The following SGCD variants were observed in gnomAD, a reference collection of about 807,000 sequenced individuals.
SGCD encodes the protein delta-sarcoglycan.
SGCD carries 18 observed loss-of-function variants against 36.6 expected under a neutral mutation model. The ratio of observed to expected loss-of-function variants is 0.49; its 90% CI spans 0.34 to 0.73. The LOEUF is 0.73. Ranked by LOEUF, SGCD falls within the 30% of genes least tolerant of loss-of-function variation. The pLI, the probability that SGCD is intolerant of heterozygous loss-of-function variation, is 0.01. For synonymous variants in SGCD, 133 were observed against 130.6 expected, an observed-to-expected ratio of 1.02 and a Z score of -0.12; for missense variants, 387 against 346.7, an observed-to-expected ratio of 1.12 and a Z score of -0.92.
intron 6 of SGCD, among the ~76,000 whole-genome samples, chr5:156,620,346 T>C (rs1762194867): frequency 6.6e-6 from 1 of 152,238 alleles, no homozygotes; most frequent in South Asian, 2.1e-4. Flanking sequence ...AGTGCAGAGA[T>C]GTAAGGACGT....
chr5:156,587,861 T>C (rs1760559121), intron 4 of SGCD, among the ~76,000 whole-genome samples: 2 of 151,812 alleles, frequency 1.3e-5, no homozygotes, highest in South Asian at 4.2e-4. Flanking sequence ...AAATCACTCT[T>C]GCTATTCTCT....
At chr5:156,083,012 T>A (rs565753609) in intron 1 of SGCD, among the ~76,000 whole-genome samples, 1 of 152,290 alleles carries the variant, frequency 6.6e-6, no homozygotes, top group African/African-American at 2.4e-5. Flanking sequence ...ATTTTCCTAA[T>A]GGCTAATGAT....
chr5:156,214,537 A>T (rs1764526499), intron 3 of SGCD, among the ~76,000 whole-genome samples: 1 of 152,040 alleles, frequency 6.6e-6, no homozygotes, highest in Non-Finnish European at 1.5e-5. Context: ...TACACAAGTG[A>T]TATAAATATT....
chr5:156,196,371 C>A (rs931569046), intron 3 of SGCD, among the ~76,000 whole-genome samples: 1 of 152,156 alleles, frequency 6.6e-6, no homozygotes. Context: ...CCAAATGCAG[C>A]CTTACATATC....
chr5:156,142,245 A>G (rs191726163), intron 3 of SGCD, among the ~76,000 whole-genome samples: 1 of 152,300 alleles, frequency 6.6e-6, no homozygotes, highest in African/African-American at 2.4e-5. Flanking sequence ...CGGAAGCAGA[A>G]GCCACTATAC....
chr5:156,677,760 C>A (rs1235567034), intron 7 of SGCD, among the ~76,000 whole-genome samples: 1 of 152,036 alleles, frequency 6.6e-6, no homozygotes, highest in Admixed American at 6.6e-5. Flanking sequence ...TCTTGCTAAA[C>A]CCTACCACTA....
intron 3 of SGCD, among the ~76,000 whole-genome samples, chr5:156,237,360 CATGCCTGTAA>C: frequency 6.6e-6 from 1 of 152,050 alleles, no homozygotes; most frequent in Non-Finnish European, 1.5e-5. Flanking sequence ...TGTGGTGCCT[CATGCCTGTAA>C]TCTCAGCACT....
At chr5:156,169,886 T>C (rs115924248) in intron 3 of SGCD, among the ~76,000 whole-genome samples, 229 of 152,228 alleles carry the variant, frequency 1.5e-3, no homozygotes, top group African/African-American at 5.0e-3. Context: ...ATTCACACCA[T>C]AGAGAGCCTT....
At chr5:156,052,658 G>A (rs2127581567) in intron 1 of SGCD, among the ~76,000 whole-genome samples, 1 of 145,882 alleles carries the variant, frequency 6.9e-6, no homozygotes, top group Middle Eastern at 3.6e-3. Context: ...TAGCAGGGCT[G>A]GCTGCATACT....
At chr5:155,730,548 G>T in the SGCD span, among the ~76,000 whole-genome samples, 7 of 151,504 alleles carry the variant, frequency 4.6e-5, no homozygotes, top group African/African-American at 1.5e-4. Flanking sequence ...TTTTTACTTA[G>T]ATTTTGTATT....
chr5:156,371,447 CT>C lies in SGCD; in HGVS notation c.192+26771del, dbSNP rs150571405. On this transcript the variant is annotated intron_variant, in intron 3 of 8. Coordinates refer to ENST00000337851, the MANE Select transcript of SGCD (RefSeq NM_000337.6). The stretch of plus-strand genomic sequence containing the variant: ...AAAACAAGGAGAAAAAATTGTAAGT[CT>C]AGTAGTTGATTGGAAAAAGTTAAAG... Among the ~76,000 whole-genome samples, 408 of 152,136 alleles carry C rather than the reference CT, an allele frequency of 2.7e-3. 4 individuals carry two copies. The highest frequency in any genetic ancestry group is 9.0e-3 in the African/African-American group (375 of 41,498).
rs551472287 is a variant in SGCD at position 156,161,437 on chromosome 5, A to G, written c.-44+37418A>G. Among the ~76,000 whole-genome samples the G allele has an allele frequency of 5.9e-5, 9 of 151,986 alleles. 2 individuals are homozygous for G. Among genetic ancestry groups the G allele is most frequent in the African/African-American group, 2.2e-4 (9 of 41,220 alleles). On this transcript the variant is annotated intron_variant, in intron 3 of 9. Transcript: ENST00000517913. ...AGTAATTAAGTGCTTACCGCTTTCC[A>G]GTCACAGGACTAAGAACTATATGTT...
At chr5:156,170,957 C>T (rs78679963) in intron 3 of SGCD, among the ~76,000 whole-genome samples, 5,521 of 152,238 alleles carry the variant, frequency 0.036, 365 homozygotes, top group African/African-American at 0.12. Flanking sequence ...CCATTCACTA[C>T]GTACATTTTT....
chr5:156,003,928 C>G (rs761524982), intron 1 of SGCD, among the ~76,000 whole-genome samples: 2 of 152,130 alleles, frequency 1.3e-5, no homozygotes, highest in Admixed American at 6.5e-5. Flanking sequence ...AGCATCAGGG[C>G]TCCATTAGTC....
chr5:156,336,751 G>A (rs1239029524), intron 2 of SGCD, among the ~76,000 whole-genome samples: 2 of 152,170 alleles, frequency 1.3e-5, no homozygotes, highest in Non-Finnish European at 2.9e-5. Context: ...AGTGTGGGGA[G>A]GCTGAAGGTA....
At chr5:156,550,093 G>T (rs971542481) in intron 4 of SGCD, among the ~76,000 whole-genome samples, 1 of 152,176 alleles carries the variant, frequency 6.6e-6, no homozygotes, top group Non-Finnish European at 1.5e-5. Flanking sequence ...ACACACAGAG[G>T]GGGAAAGAAG....
chr5:156,043,860 A>C (rs1035920103), intron 1 of SGCD, among the ~76,000 whole-genome samples: 25 of 152,196 alleles, frequency 1.6e-4, no homozygotes, highest in Non-Finnish European at 1.5e-4. Flanking sequence ...ACAGTTTTGG[A>C]CCAAGAGAAA....
the SGCD span, among the ~76,000 whole-genome samples, chr5:155,831,452 G>T: frequency 6.6e-6 from 1 of 152,168 alleles, no homozygotes; most frequent in Non-Finnish European, 1.5e-5. Flanking sequence ...AGAAATAATT[G>T]TCAGATTTTT....
intron 3 of SGCD, among the ~76,000 whole-genome samples, chr5:156,449,677 CA>C (rs397883573): frequency 0.12 from 5,478 of 45,950 alleles, 105 homozygotes; most frequent in East Asian, 0.15. Flanking sequence ...ACTAAAAATA[CA>C]AAAAAAAAAA....
Sources: allele counts gnomAD v4.1 joint callset (sites outside exome capture counted in the v4.1 genomes callset), GRCh38; gene constraint gnomAD v4.1.1; transcripts MANE v1.5; gene names NCBI Gene and HGNC (gene_info 2026-07-23, HGNC 2026-07-21).